Variants in TSHZ2 observed in about 807,000 individuals in gnomAD.
TSHZ2 encodes teashirt zinc finger homeobox 2, also known as teashirt homolog 2.
Under a neutral mutation model 74.4 loss-of-function variants are expected in TSHZ2, and 21 were observed. The observed-to-expected ratio is 0.28, with a 90% CI of 0.20 to 0.41. The LOEUF is 0.41. Ranked by LOEUF, TSHZ2 falls within the 10% of genes least tolerant of loss-of-function variation. TSHZ2 has a pLI of 1.00. For synonymous variants in TSHZ2, 540 were observed against 515.3 expected, an observed-to-expected ratio of 1.05 and a Z score of -0.65; for missense variants, 1,244 against 1,293.5, an observed-to-expected ratio of 0.96 and a Z score of 0.59.
chr20:53,424,363 G>A (rs1983586044), intron 2 of TSHZ2, among the ~76,000 whole-genome samples: 2 of 152,172 alleles, frequency 1.3e-5, no homozygotes. Context: ...TTAAGGAAAT[G>A]AGCTATGAAA....
At chr20:53,241,697 A>C (rs1179624667) in intron 1 of TSHZ2, among the ~76,000 whole-genome samples, 1 of 152,150 alleles carries the variant, frequency 6.6e-6, no homozygotes, top group African/African-American at 2.4e-5. Flanking sequence ...GATTTTTACC[A>C]GGCATTCTGA....
At position 53,255,095 on chromosome 20, in the gene TSHZ2, C is replaced by T; in HGVS notation, c.1637C>T (p.Ala546Val). 1 of 1,614,166 alleles carries T rather than the reference C, an allele frequency of 6.2e-7. No homozygotes were observed. Among genetic ancestry groups the T allele is most frequent in the South Asian group, 1.1e-5 (1 of 91,078 alleles). Residue 546 changes from alanine to valine, a missense_variant, in exon 2 of 3, where the codon GCA becomes GTA. Transcript: ENST00000371497. This position sits in a 1 kb window ranked among gnomAD's most constrained non-coding sequence, Gnocchi z 4.1. Reference sequence around the variant, plus strand: ...TGGAGTGCCTACCCCAGCATCCACGCAGCCTACCAGCTGTCTGAGGGCACC... The same window carrying T: ...TGGAGTGCCTACCCCAGCATCCACGTAGCCTACCAGCTGTCTGAGGGCACC... ...PSWSAYPSIH[A>V]AYQLSEGTKP...
intron 1 of TSHZ2, among the ~76,000 whole-genome samples, chr20:53,248,033 T>G (rs969005640): frequency 3.3e-5 from 5 of 152,166 alleles, no homozygotes; most frequent in Non-Finnish European, 7.3e-5. Flanking sequence ...TTGGAAAAAA[T>G]TGAGGTGGTA....
intron 2 of TSHZ2, among the ~76,000 whole-genome samples, chr20:53,305,793 C>T (rs186887122): frequency 1.2e-4 from 19 of 152,272 alleles, no homozygotes; most frequent in Admixed American, 1.1e-3. Flanking sequence ...TCCTGGCCAA[C>T]ATGGTGAAAC....
intron 1 of TSHZ2, among the ~76,000 whole-genome samples, chr20:53,182,574 C>T (rs796338410): frequency 7.9e-5 from 12 of 152,288 alleles, no homozygotes; most frequent in African/African-American, 2.9e-4. Flanking sequence ...GTAAAGGGAT[C>T]AAATTATTTA....
chr20:53,131,138 T>A (rs1987091126), intron 1 of TSHZ2, among the ~76,000 whole-genome samples: 1 of 152,230 alleles, frequency 6.6e-6, no homozygotes, highest in African/African-American at 2.4e-5. Flanking sequence ...TTTCATCAAA[T>A]GGAGAACTCC....
chr20:53,479,975 C>A (rs1395412908), intron 2 of TSHZ2, among the ~76,000 whole-genome samples: 5 of 152,074 alleles, frequency 3.3e-5, no homozygotes, highest in African/African-American at 1.2e-4. Flanking sequence ...TAATGGCTCA[C>A]ACCTATAATC....
intron 1 of TSHZ2, among the ~76,000 whole-genome samples, chr20:53,049,607 C>T (rs1984351154): frequency 6.6e-6 from 1 of 152,046 alleles, no homozygotes; most frequent in Non-Finnish European, 1.5e-5. Context: ...TCATATATGT[C>T]TTTGAATTCT....
At chr20:53,299,718 C>T (rs994340460) in intron 2 of TSHZ2, among the ~76,000 whole-genome samples, 5 of 152,180 alleles carry the variant, frequency 3.3e-5, no homozygotes, top group Admixed American at 1.3e-4. Flanking sequence ...TGAATTTTGA[C>T]CACATGTCCC....
chr20:53,064,744 A>T (rs1448582984), intron 1 of TSHZ2, among the ~76,000 whole-genome samples: 2 of 152,098 alleles, frequency 1.3e-5, no homozygotes, highest in Non-Finnish European at 2.9e-5. Context: ...TTTTATGCCC[A>T]CAAAAGTTTG....
intron 2 of TSHZ2, among the ~76,000 whole-genome samples, chr20:53,426,553 C>T (rs1047108452): frequency 6.6e-6 from 1 of 151,992 alleles, no homozygotes; most frequent in Non-Finnish European, 1.5e-5. Context: ...AGGTCAGTCA[C>T]TTTTAAGATA....
intron 2 of TSHZ2, among the ~76,000 whole-genome samples, chr20:53,377,688 C>T (rs1981706836): frequency 6.8e-6 from 1 of 146,674 alleles, no homozygotes; most frequent in Admixed American, 6.9e-5. Context: ...GGCAAAACCC[C>T]ATATCTATAA....
At chr20:53,051,741 T>C (rs1984475897) in intron 1 of TSHZ2, among the ~76,000 whole-genome samples, 2 of 152,330 alleles carry the variant, frequency 1.3e-5, no homozygotes, top group South Asian at 4.1e-4. Context: ...AAGGCTGGAC[T>C]CACACACAAG....
At chr20:53,433,584 G>GACACACACACACACACACAC (rs59162370) in intron 2 of TSHZ2, among the ~76,000 whole-genome samples, 24 of 137,144 alleles carry the variant, frequency 1.7e-4, no homozygotes, top group South Asian at 4.8e-4. Flanking sequence ...CAGACACACA[G>GACACACACACACACACACAC]ACACACACAC....
chr20:53,032,166 G>T lies in TSHZ2; in HGVS notation c.40+58833G>T, dbSNP rs377489313. The stretch of plus-strand genomic sequence containing the variant: ...CCAAGAGGAAACACAGCCTCCTTAG[G>T]AGGCTAAAGTCCAACGAACGTCAGA... On this transcript the variant is annotated intron_variant, in intron 1 of 2. Transcript: ENST00000371497. 1.2e-3 allele frequency among the ~76,000 whole-genome samples: 176 copies of T among 152,266 alleles called. 5 individuals carry two copies. The South Asian group carries it at 0.035, about 31-fold the overall frequency.
At chr20:53,346,219 C>T (rs779935372) in intron 2 of TSHZ2, among the ~76,000 whole-genome samples, 6 of 152,186 alleles carry the variant, frequency 3.9e-5, no homozygotes, top group Non-Finnish European at 7.3e-5. Flanking sequence ...TTTGACAGAA[C>T]TCACTTTCCA....
intron 2 of TSHZ2, chr20:53,412,786 C>G (rs1370764975): frequency 1.3e-5 from 2 of 152,400 alleles, no homozygotes; most frequent in African/African-American, 2.4e-5. Flanking sequence ...CCCACTCCTT[C>G]CCTAAACAAA....
At chr20:53,424,732 A>G (rs1358344746) in intron 2 of TSHZ2, among the ~76,000 whole-genome samples, 1 of 152,138 alleles carries the variant, frequency 6.6e-6, no homozygotes, top group Non-Finnish European at 1.5e-5. Flanking sequence ...CCAGCCAGGC[A>G]GGCTCCAGTG....
intron 1 of TSHZ2, among the ~76,000 whole-genome samples, chr20:53,246,179 T>G (rs1311050016): frequency 2.0e-5 from 3 of 152,004 alleles, no homozygotes; most frequent in Non-Finnish European, 4.4e-5. Context: ...GTAGCTGAGA[T>G]TACAGGCATG....
Sources: allele counts gnomAD v4.1 joint callset (sites outside exome capture counted in the v4.1 genomes callset), GRCh38; gene constraint gnomAD v4.1.1; non-coding constraint Gnocchi (gnomAD v3.1); transcripts MANE v1.5; gene names NCBI Gene and HGNC (gene_info 2026-07-23, HGNC 2026-07-21).